ARB2A: variants seen among roughly 807,000 people sequenced by gnomAD.
ARB2A encodes the protein ARB2 cotranscriptional regulator A.
At chr5:93,845,213 C>G in the ARB2A span, among the ~76,000 whole-genome samples, 1 of 152,144 alleles carries the variant, frequency 6.6e-6, no homozygotes, top group Non-Finnish European at 1.5e-5. Flanking sequence ...GAGTTTTCAT[C>G]TAATAGTAGA....
the ARB2A span, among the ~76,000 whole-genome samples, chr5:93,839,965 C>T: frequency 6.6e-6 from 1 of 151,988 alleles, no homozygotes; most frequent in African/African-American, 2.4e-5. Context: ...TTTCACCAAA[C>T]CAATTCTACA....
chr5:93,709,624 C>T, the ARB2A span, among the ~76,000 whole-genome samples: 7 of 96,502 alleles, frequency 7.3e-5, no homozygotes, highest in African/African-American at 3.2e-4. Context: ...CAGGGTGAGA[C>T]TCTGTCACAA....
the ARB2A span, among the ~76,000 whole-genome samples, chr5:93,840,469 T>G: frequency 1.7e-4 from 26 of 152,288 alleles, no homozygotes; most frequent in East Asian, 4.2e-3. Context: ...GTCTATTCTT[T>G]CCCAACTTGT....
chr5:94,045,090 C>A, the ARB2A span, among the ~76,000 whole-genome samples: 2 of 128,506 alleles, frequency 1.6e-5, no homozygotes, highest in East Asian at 4.7e-4. Context: ...TGCACTCCAG[C>A]CTGGGCAACA....
chr5:93,873,827 G>C, the ARB2A span, among the ~76,000 whole-genome samples: 2 of 152,166 alleles, frequency 1.3e-5, no homozygotes, highest in Middle Eastern at 6.3e-3. Context: ...CTTTCCCTCA[G>C]GAAGAGTGTG....
chr5:93,709,846 A>G, the ARB2A span, among the ~76,000 whole-genome samples: 1 of 152,094 alleles, frequency 6.6e-6, no homozygotes, highest in Non-Finnish European at 1.5e-5. Flanking sequence ...TTCCAACCCT[A>G]TAATTTTTCA....
At chr5:93,774,484 T>C in the ARB2A span, among the ~76,000 whole-genome samples, 6 of 152,210 alleles carry the variant, frequency 3.9e-5, no homozygotes, top group Admixed American at 6.5e-5. Flanking sequence ...ATGGGCAGAA[T>C]GGTGAAAAAT....
chr5:93,960,614 T>C, the ARB2A span, among the ~76,000 whole-genome samples: 1 of 152,176 alleles, frequency 6.6e-6, no homozygotes, highest in Non-Finnish European at 1.5e-5. Flanking sequence ...ATGAGGAATC[T>C]TATCAAGCCT....
At chr5:93,636,599 T>C in the ARB2A span, among the ~76,000 whole-genome samples, 1 of 152,214 alleles carries the variant, frequency 6.6e-6, no homozygotes, top group Admixed American at 6.5e-5. Context: ...TTCCCAGACT[T>C]CAGAACTGTA....
At chr5:94,054,543 T>C in the ARB2A span, among the ~76,000 whole-genome samples, 6 of 152,162 alleles carry the variant, frequency 3.9e-5, no homozygotes, top group African/African-American at 1.4e-4. Flanking sequence ...GAACATGGTA[T>C]CAACAGGACA....
the ARB2A span, among the ~76,000 whole-genome samples, chr5:93,729,029 TAC>T: frequency 6.6e-6 from 1 of 152,130 alleles, no homozygotes; most frequent in African/African-American, 2.4e-5. Context: ...AGTAACAAAT[TAC>T]AGTCCAGATT....
At chr5:94,078,529 T>G in the ARB2A span, among the ~76,000 whole-genome samples, 3 of 152,118 alleles carry the variant, frequency 2.0e-5, no homozygotes, top group Admixed American at 6.6e-5. Context: ...GGAAAGAAGC[T>G]GAAGAATGAA....
chr5:93,964,572 A>G, the ARB2A span: 1 of 1,383,018 alleles, frequency 7.2e-7, no homozygotes, highest in Non-Finnish European at 9.9e-7. Flanking sequence ...ATCCATTATC[A>G]AAACTGACAT....
chr5:93,857,505 G>A, the ARB2A span, among the ~76,000 whole-genome samples: 16 of 152,050 alleles, frequency 1.1e-4, no homozygotes, highest in African/African-American at 3.9e-4. Flanking sequence ...GCCCCTCCCC[G>A]AGCCTCGCTG....
the ARB2A span, among the ~76,000 whole-genome samples, chr5:93,818,540 C>A: frequency 6.6e-6 from 1 of 152,076 alleles, no homozygotes; most frequent in Non-Finnish European, 1.5e-5. Context: ...AAAGGTGAAG[C>A]TGAACCGATT....
At chr5:94,012,141 G>A in the ARB2A span, among the ~76,000 whole-genome samples, 7 of 152,002 alleles carry the variant, frequency 4.6e-5, no homozygotes, top group Admixed American at 3.3e-4. Context: ...AGTGGCTCAC[G>A]CCTGTAATCC....
chr5:93,718,392 T>C, the ARB2A span, among the ~76,000 whole-genome samples: 2 of 152,082 alleles, frequency 1.3e-5, no homozygotes, highest in Admixed American at 6.5e-5. Context: ...TGAGCCGAGA[T>C]TGTGCCACTG....
chr5:94,019,810 C>T, the ARB2A span, among the ~76,000 whole-genome samples: 1 of 152,160 alleles, frequency 6.6e-6, no homozygotes, highest in African/African-American at 2.4e-5. Context: ...ATAAATCATT[C>T]TACTATAAAG....
chr5:93,829,378 C>T, the ARB2A span, among the ~76,000 whole-genome samples: 1 of 152,138 alleles, frequency 6.6e-6, no homozygotes, highest in South Asian at 2.1e-4. Flanking sequence ...TCCCATACCA[C>T]CTTCTACTGC....
Sources: gnomAD v4.1 joint callset for allele counts (sites outside exome capture counted in the v4.1 genomes callset) on GRCh38, gnomAD v4.1.1 for gene constraint, MANE v1.5 for transcripts, NCBI Gene and HGNC (gene_info 2026-07-23, HGNC 2026-07-21) for gene names.